Variants in DAB2IP observed in about 807,000 individuals in gnomAD.
DAB2IP encodes disabled homolog 2-interacting protein.
Under a neutral mutation model 107.2 loss-of-function variants are expected in DAB2IP, and 28 were observed. The observed-to-expected ratio is 0.26, with a 90% CI of 0.19 to 0.36. DAB2IP has a LOEUF of 0.36. Ranked by LOEUF, DAB2IP falls within the 10% of genes least tolerant of loss-of-function variation. The pLI, the probability that DAB2IP is intolerant of heterozygous loss-of-function variation, is 1.00. For synonymous variants in DAB2IP, 755 were observed against 706.4 expected, an observed-to-expected ratio of 1.07 and a Z score of -1.09; for missense variants, 1,400 against 1,644.7, an observed-to-expected ratio of 0.85 and a Z score of 2.57.
At chr9:121,675,497 C>T (rs141485739) in intron 1 of DAB2IP, among the ~76,000 whole-genome samples, 3 of 152,308 alleles carry the variant, frequency 2.0e-5, no homozygotes, top group East Asian at 1.9e-4. Context: ...CCACTTCTAC[C>T]GCTTTCCCTA....
chr9:121,704,768 C>T (rs776682624), intron 3 of DAB2IP, among the ~76,000 whole-genome samples: 12 of 152,302 alleles, frequency 7.9e-5, no homozygotes, highest in Admixed American at 2.6e-4. Context: ...TAAGGATGCC[C>T]TGTATTTACA....
intron 1 of DAB2IP, among the ~76,000 whole-genome samples, chr9:121,656,123 C>T (rs1435170705): frequency 6.6e-6 from 1 of 152,158 alleles, no homozygotes; most frequent in Non-Finnish European, 1.5e-5. Flanking sequence ...ATTCTCCTGC[C>T]TCAGCCTCCC....
rs759742711 is a variant in DAB2IP at position 121,760,074 on chromosome 9, C to T, written c.805C>T (p.Arg269Cys). Reference sequence around the variant, plus strand: ...CGAGTTCCACAACTTGCCGCCTCTGCGCACGGTCACTGTCCACCTGTACCG... The same window carrying T: ...CGAGTTCCACAACTTGCCGCCTCTGTGCACGGTCACTGTCCACCTGTACCG... Residue 269 changes from arginine to cysteine, a missense_variant, in exon 6 of 16, where the codon CGC becomes TGC. By Grantham distance (180) the Arg-to-Cys change is radical (BLOSUM62 -3). Transcript: ENST00000408936. This position sits in a 1 kb window ranked among gnomAD's most constrained non-coding sequence, Gnocchi z 5.9. 3.2e-5 allele frequency: 51 copies of T among 1,613,952 alleles called. No homozygotes were observed. Among genetic ancestry groups the T allele is most frequent in the African/African-American group, 4.0e-5 (3 of 74,918 alleles).
intron 1 of DAB2IP, among the ~76,000 whole-genome samples, chr9:121,583,819 C>T (rs1830256914): frequency 6.6e-6 from 1 of 152,078 alleles, no homozygotes; most frequent in Non-Finnish European, 1.5e-5. Context: ...CAGAAGTTGG[C>T]GTGTAGGAGA....
chr9:121,760,267 G>A lies in DAB2IP; in HGVS notation c.998G>A (p.Arg333His), dbSNP rs1307239821. The A allele has an allele frequency of 3.7e-6, 6 of 1,613,730 alleles. No homozygotes were observed. Among genetic ancestry groups the A allele is most frequent in the South Asian group, 2.2e-5 (2 of 91,090 alleles). Residue 333 changes from arginine to histidine, a missense_variant, in exon 6 of 16, where the codon CGC (arginine) becomes CAC (histidine). Coordinates refer to ENST00000408936, the Ensembl canonical transcript of DAB2IP. This position sits in a 1 kb window ranked among gnomAD's most constrained non-coding sequence, Gnocchi z 5.9. ...GGACCCATGATCCGCATCAAGGCGC[G>A]CTACCAAACCATCACCATCCTGCCC...
chr9:121,750,015 C>G (rs1832992993), intron 3 of DAB2IP, among the ~76,000 whole-genome samples: 1 of 152,146 alleles, frequency 6.6e-6, no homozygotes, highest in Admixed American at 6.5e-5. Context: ...ATGGAACAGA[C>G]CAAAGAGGCA....
chr9:121,782,617 G>T lies in DAB2IP; in HGVS notation c.*119G>T. 1 of 1,511,604 alleles carries T rather than the reference G, an allele frequency of 6.6e-7. No individual in the cohort carries two copies. The highest frequency in any genetic ancestry group is 1.3e-5 in the South Asian group (1 of 76,938). 93.6% of individuals were successfully genotyped at this position (1,511,604 alleles called of 1,614,324 possible). Reference sequence around the variant, plus strand: ...CCCAGCGCGGGTGTCAGGAGGCCGAGCCTCCCCTCCCTGCCGCTGTCCAGG... The same window carrying T: ...CCCAGCGCGGGTGTCAGGAGGCCGATCCTCCCCTCCCTGCCGCTGTCCAGG... On this transcript the variant is annotated 3_prime_UTR_variant, in exon 16 of 16. Coordinates refer to ENST00000408936, the Ensembl canonical transcript of DAB2IP. The surrounding 1 kb of genome is among the most constrained non-coding windows in gnomAD (Gnocchi z 6.1).
At chr9:121,653,296 A>C (rs2119065339) in intron 1 of DAB2IP, among the ~76,000 whole-genome samples, 1 of 148,984 alleles carries the variant, frequency 6.7e-6, no homozygotes, top group South Asian at 2.2e-4. Context: ...GACCTGGGGA[A>C]GGCTTTATCT....
At chr9:121,755,017 G>T (rs1327620706) in intron 3 of DAB2IP, among the ~76,000 whole-genome samples, 1 of 152,188 alleles carries the variant, frequency 6.6e-6, no homozygotes, top group African/African-American at 2.4e-5. Context: ...ATCAGGCAGG[G>T]CGTCTCTTCC....
intron 1 of DAB2IP, among the ~76,000 whole-genome samples, chr9:121,595,478 C>A (rs935714823): frequency 6.6e-6 from 1 of 151,988 alleles, no homozygotes; most frequent in Non-Finnish European, 1.5e-5. Context: ...TGGCGTGTGC[C>A]TGTAGTCCTA....
At chr9:121,741,841 C>T (rs916866025) in intron 3 of DAB2IP, among the ~76,000 whole-genome samples, 32 of 150,824 alleles carry the variant, frequency 2.1e-4, no homozygotes, top group Non-Finnish European at 3.8e-4. Flanking sequence ...TGTATCCTCT[C>T]GGCAATCCTA....
intron 3 of DAB2IP, among the ~76,000 whole-genome samples, chr9:121,727,322 G>A (rs1193082336): frequency 6.6e-6 from 1 of 152,234 alleles, no homozygotes; most frequent in African/African-American, 2.4e-5. Context: ...GTGAGTTTTA[G>A]TTTCCCTCTC....
chr9:121,599,985 T>C lies in DAB2IP; in HGVS notation c.40+32757T>C, dbSNP rs1362768688. Among the ~76,000 whole-genome samples, 1 of 151,946 alleles carries C rather than the reference T, an allele frequency of 6.6e-6. No homozygotes were observed. Among genetic ancestry groups the C allele is most frequent in the Non-Finnish European group, 1.5e-5 (1 of 67,984 alleles). ...CGCGATGCATTGAGCCTTTAAACTT[T>C]CCTGTGCGCCCTGCCCAGATCTCGA... On this transcript the variant is annotated intron_variant, in intron 1 of 16. Transcript: ENST00000259371. This position sits in a 1 kb window ranked among gnomAD's most constrained non-coding sequence, Gnocchi z 6.9.
chr9:121,733,794 C>T (rs540753421), intron 3 of DAB2IP, among the ~76,000 whole-genome samples: 53 of 152,226 alleles, frequency 3.5e-4, no homozygotes, highest in African/African-American at 1.2e-3. Context: ...AGGGGAGCCT[C>T]GTGGAAGCAA....
intron 2 of DAB2IP, among the ~76,000 whole-genome samples, chr9:121,691,530 A>AC (rs1321947749): frequency 1.1e-4 from 16 of 152,148 alleles, no homozygotes; most frequent in Non-Finnish European, 1.9e-4. Context: ...AAAAAAAAAA[A>AC]AAAAAACTAT....
At chr9:121,620,191 T>C (rs480935) in intron 1 of DAB2IP, among the ~76,000 whole-genome samples, 149,910 of 152,324 alleles carry the variant, frequency 0.98, 73,829 homozygotes, top group Middle Eastern at 1. Flanking sequence ...CTCCGACTCC[T>C]GCTGCCTGGG....
intron 3 of DAB2IP, among the ~76,000 whole-genome samples, chr9:121,740,048 CAG>C (rs1832221139): frequency 6.6e-6 from 1 of 152,068 alleles, no homozygotes; most frequent in East Asian, 1.9e-4. Context: ...GGGGTCGGAA[CAG>C]ACAGGTGTGT....
intron 14 of DAB2IP, among the ~76,000 whole-genome samples, chr9:121,777,512 A>C (rs1380332442): frequency 6.6e-6 from 1 of 152,196 alleles, no homozygotes; most frequent in East Asian, 1.9e-4. Context: ...CCTTCTCTAC[A>C]TTGTGTGTAT....
At position 121,702,073 on chromosome 9, in the gene DAB2IP, C is replaced by T. The variant is rs912976364; in HGVS notation, c.362+2615C>T. On this transcript the variant is annotated intron_variant, in intron 3 of 15. Transcript: ENST00000408936. This position sits in a 1 kb window ranked among gnomAD's most constrained non-coding sequence, Gnocchi z 4.5. ...CCCATGGCCTTCCCGTGTAGATGAG[C>T]GGCACAGGGCACTCTGGGGCGGCCA... Among the ~76,000 whole-genome samples the T allele has an allele frequency of 4.0e-5, 6 of 151,626 alleles. No individual in the cohort carries two copies. Among genetic ancestry groups the T allele is most frequent in the Admixed American group, 2.6e-4 (4 of 15,244 alleles).
Sources: allele counts gnomAD v4.1 joint callset (sites outside exome capture counted in the v4.1 genomes callset), GRCh38; gene constraint gnomAD v4.1.1; non-coding constraint Gnocchi (gnomAD v3.1); transcripts MANE v1.5; gene names NCBI Gene and HGNC (gene_info 2026-07-23, HGNC 2026-07-21).